Variants in BPIFB4 observed in about 807,000 individuals in gnomAD.
BPIFB4 encodes the protein BPI fold-containing family B member 4.
BPIFB4 carries 62 observed loss-of-function variants against 69.2 expected under a neutral mutation model. That is an observed-to-expected ratio of 0.90 (90% confidence interval 0.73 to 1.11). The LOEUF is 1.11. Among genes scored for constraint, BPIFB4 ranks in the 50% least tolerant of loss-of-function variants. BPIFB4 has a pLI of 0.00. For synonymous variants in BPIFB4, 330 were observed against 332.7 expected (o/e 0.99, Z 0.09); for missense variants, 789 against 792.0 (o/e 1.00, Z 0.04).
Position 33,083,694 on chromosome 20 carries a change from T to A in BPIFB4, c.497T>A (p.Val166Glu). The A allele has an allele frequency of 6.2e-7, 1 of 1,613,902 alleles. No individual in the cohort carries two copies. Among genetic ancestry groups the A allele is most frequent in the Non-Finnish European group, 8.5e-7 (1 of 1,179,926 alleles). Residue 166 changes from valine to glutamate, a missense_variant, in exon 5 of 18, where the codon GTG (valine) becomes GAG (glutamate). Coordinates refer to ENST00000375483, the MANE Select transcript of BPIFB4 (RefSeq NM_182519.3). ...EIPPGVATGA[V>E]GPGGLLGTGG... Reference sequence around the variant, plus strand: ...CCACCTGGAGTTGCCACTGGGGCGGTGGGCCCAGGTGGTTTGCTGGGCACT... The same window carrying A: ...CCACCTGGAGTTGCCACTGGGGCGGAGGGCCCAGGTGGTTTGCTGGGCACT...
At chr20:33,098,937 C>A (rs1476549880) in intron 13 of BPIFB4, among the ~76,000 whole-genome samples, 2 of 151,824 alleles carry the variant, frequency 1.3e-5, no homozygotes, top group African/African-American at 4.8e-5. Flanking sequence ...GTTCCCTCTG[C>A]CTGGGATGCT....
rs542993165 is a variant in BPIFB4 at position 33,090,799 on chromosome 20, C to T, written c.1143C>T (p.Asn381=). The T allele has an allele frequency of 4.8e-5, 77 of 1,614,124 alleles. No individual in the cohort carries two copies. The highest frequency in any genetic ancestry group is 5.6e-5 in the Non-Finnish European group (66 of 1,180,016). Residue 381 remains asparagine (N), a splice_region_variant and synonymous_variant, in exon 10 of 18, where the codon AAC becomes AAT. Transcript: ENST00000375483. ...GGGAATTCCTGGAGCTGGACCTCAA[C>T]GTGAGTGCCTGGGGTTCAGGGCAAA... ...VTGEFLELDL[N]TLVGEAGGGL...
At chr20:33,080,939 G>GTGGATGGATGGTTGGT (rs1458948046) in intron 2 of BPIFB4, among the ~76,000 whole-genome samples, 1 of 152,050 alleles carries the variant, frequency 6.6e-6, no homozygotes. Context: ...GAGTTGATGA[G>GTGGATGGATGGTTGGT]TGGATGGATG....
rs79810286 is a variant in BPIFB4 at position 33,101,921 on chromosome 20, A to C, written c.1638-1051A>C. Among the ~76,000 whole-genome samples the C allele has an allele frequency of 5.8e-3, 888 of 152,356 alleles. 10 individuals are homozygous for C. Among genetic ancestry groups the C allele is most frequent in the African/African-American group, 0.02 (839 of 41,586 alleles). On this transcript the variant is annotated intron_variant, in intron 14 of 17. Coordinates refer to ENST00000375483, the MANE Select transcript of BPIFB4 (RefSeq NM_182519.3). ...CCATTTCAAGATTAAATGAGGTCAT[A>C]TGTAAAATTTTTAGCATGTGACTAG...
At position 33,084,901 on chromosome 20, in the gene BPIFB4, C is replaced by T. The variant is rs1261795457; in HGVS notation, c.687C>T (p.Ile229=). The change falls in exon 6 of 18, where the codon ATC becomes ATT. Residue 229 remains isoleucine (I), a synonymous_variant. Coordinates refer to ENST00000375483, the MANE Select transcript of BPIFB4 (RefSeq NM_182519.3). ...TCTGTGTCCCGAGCAGGCTGCGTAT[C>T]GTGGAGCTGACCCTCCCTCGGGTGT... The part of the protein sequence containing the change: ...STVQGITGLR[I]VELTLPRVSV... 5 of 1,608,120 alleles carry T rather than the reference C, an allele frequency of 3.1e-6. No homozygotes were observed. The highest frequency in any genetic ancestry group is 1.3e-5 in the African/African-American group (1 of 75,042).
intron 14 of BPIFB4, 140 bp from the exon 15 acceptor site, chr20:33,102,832 G>A: frequency 1.2e-6 from 1 of 867,566 alleles, no homozygotes; most frequent in South Asian, 1.5e-5. Context: ...GTGAGAGCCA[G>A]CATTGTTCTT....
In BPIFB4 at chr20:33,108,842, A is replaced by T. The variant is rs143036318; in HGVS notation, c.1821+1022A>T. Among the ~76,000 whole-genome samples the T allele has an allele frequency of 4.6e-3, 696 of 152,354 alleles. 6 individuals are homozygous for T. The highest frequency in any genetic ancestry group is 0.016 in the African/African-American group (653 of 41,580). On this transcript the variant is annotated intron_variant, in intron 17 of 17. Transcript: ENST00000375483. ...ATCTCAATGCATAAACTGTTTCTTG[A>T]TTCTAGATTTAGTTCCTTGGAACAA...
rs749119935 is a variant in BPIFB4, at chr20:33,081,635, G to A, written c.106+3G>A. On this transcript the variant is annotated splice_donor_region_variant and intron_variant, in intron 3 of 17. Transcript: ENST00000375483. ...GACGAAAGATGTGTTGAGCAATGGT[G>A]AGTCCAGCCCCAAAGGGGTGAGGGT... is the stretch of plus-strand genomic sequence containing the variant. 29 of 1,551,530 alleles carry A rather than the reference G, an allele frequency of 1.9e-5. 1 individual carries two copies. The Admixed American group carries it at 5.5e-4, about 29-fold the overall frequency.
At chr20:33,093,558 C>T (rs181245678) in intron 11 of BPIFB4, among the ~76,000 whole-genome samples, 10 of 97,808 alleles carry the variant, frequency 1.0e-4, no homozygotes, top group Non-Finnish European at 2.1e-4. Context: ...ATCCTTCCAT[C>T]AACCCATCCA....
intron 9 of BPIFB4, 137 bp downstream of exon 9, chr20:33,089,695 A>T (rs1455177845): frequency 1.4e-6 from 2 of 1,471,016 alleles, no homozygotes; most frequent in Non-Finnish European, 1.8e-6. Context: ...GCCACAAGGG[A>T]GGTGCCACCT....
At chr20:33,080,095 G>GA (rs1306881643) in intron 1 of BPIFB4, among the ~76,000 whole-genome samples, 49 of 152,144 alleles carry the variant, frequency 3.2e-4, no homozygotes, top group Admixed American at 3.1e-3. Flanking sequence ...GAGGAAGCCA[G>GA]AAAAAAATTA....
rs188321083 is a variant in BPIFB4 at position 33,102,438 on chromosome 20, C to T, written c.1638-534C>T. Among the ~76,000 whole-genome samples, 16 of 152,322 alleles carry T rather than the reference C, an allele frequency of 1.1e-4. No individual in the cohort carries two copies. The East Asian group carries it at 1.5e-3, about 15-fold the overall frequency. On this transcript the variant is annotated intron_variant, in intron 14 of 17. Transcript: ENST00000375483. ...TTATAGAGCAGAGCGAGACCTCAAA[C>T]CCCGGCCTCAGCCTCCCATCTCAGA...
At position 33,081,587 on chromosome 20, in the gene BPIFB4, G is replaced by C; in HGVS notation, c.61G>C (p.Glu21Gln). The C allele has an allele frequency of 6.4e-7, 1 of 1,551,736 alleles. No homozygotes were observed. The highest frequency in any genetic ancestry group is 1.2e-5 in the South Asian group (1 of 84,064). ...GGTGGCTGTGTGTGGCACCAGCCAC[G>C]AGACAAACACGGTCCTCAGGGTGAC... Reference protein sequence around the residue: ...SVVAVCGTSHETNTVLRVTKD... With the variant: ...SVVAVCGTSHQTNTVLRVTKD... Residue 21 changes from glutamate (E) to glutamine (Q), a missense_variant, in exon 3 of 18, where the codon GAG becomes CAG. Glu to Gln is a conservative substitution (Grantham distance 29). Coordinates refer to ENST00000375483, the MANE Select transcript of BPIFB4 (RefSeq NM_182519.3).
chr20:33,082,484 C>T (rs1389289073), intron 3 of BPIFB4, among the ~76,000 whole-genome samples: 4 of 152,100 alleles, frequency 2.6e-5, no homozygotes, highest in Non-Finnish European at 5.9e-5. Flanking sequence ...CAGGTGCCCA[C>T]CACCACACCT....
At chr20:33,101,841 C>T (rs572824489) in intron 14 of BPIFB4, among the ~76,000 whole-genome samples, 8 of 152,172 alleles carry the variant, frequency 5.3e-5, no homozygotes, top group African/African-American at 1.7e-4. Context: ...CCACTGCACC[C>T]GGCCTTCCTT....
chr20:33,097,157 C>A (rs1463445789), intron 12 of BPIFB4, among the ~76,000 whole-genome samples: 2 of 152,136 alleles, frequency 1.3e-5, no homozygotes, highest in Admixed American at 6.5e-5. Flanking sequence ...AGCCCACAGA[C>A]ATGCACTGGA....
Position 33,106,376 on chromosome 20 carries a change from C to CTTTTTTTTT in BPIFB4, c.1745-1362_1745-1354dup, listed in dbSNP as rs71190890. On this transcript the variant is annotated intron_variant, in intron 16 of 17. Coordinates refer to ENST00000375483, the MANE Select transcript of BPIFB4 (RefSeq NM_182519.3). ...TGCTGGGGACACAGCTCTTTTCTTT[C>CTTTTTTTTT]TTTTTTTTTTTTTTGAGATGGAGTC... Among the ~76,000 whole-genome samples the CTTTTTTTTT allele has an allele frequency of 6.8e-5, 9 of 133,060 alleles. 1 individual carries two copies. The highest frequency in any genetic ancestry group is 4.2e-4 in the East Asian group (2 of 4,808). The allele number at this position is 133,060 out of a possible 152,430, so 87.3% of individuals were successfully genotyped here.
intron 13 of BPIFB4, 50 bp downstream of exon 13, chr20:33,097,837 C>A (rs1837319564): frequency 6.6e-7 from 1 of 1,521,468 alleles, no homozygotes; most frequent in African/African-American, 1.4e-5. Context: ...CAAGACAGAG[C>A]CACATGGTCT....
chr20:33,094,971 T>C, intron 11 of BPIFB4, 129 bp from the exon 12 acceptor site: 1 of 893,756 alleles, frequency 1.1e-6, no homozygotes, highest in South Asian at 1.4e-5. Flanking sequence ...CAGGGGTCTT[T>C]CAGGGAGAGA....
Sources: gnomAD v4.1 joint callset for allele counts (sites outside exome capture counted in the v4.1 genomes callset) on GRCh38, gnomAD v4.1.1 for gene constraint, MANE v1.5 for transcripts, NCBI Gene and HGNC (gene_info 2026-07-23, HGNC 2026-07-21) for gene names.